MRTFA: variants seen among roughly 807,000 people sequenced by gnomAD.
MRTFA encodes myocardin related transcription factor A, also known as myocardin-related transcription factor A.
A neutral mutation model predicts 83.5 loss-of-function variants in MRTFA; 20 were observed. The ratio of observed to expected loss-of-function variants is 0.24; its 90% CI spans 0.17 to 0.35. The LOEUF is 0.35. Ranked by LOEUF, MRTFA falls within the 10% of genes least tolerant of loss-of-function variation. The pLI, the probability that MRTFA is intolerant of heterozygous loss-of-function variation, is 1.00. For missense variants in MRTFA, 1,200 were observed against 1,224.7 expected, an observed-to-expected ratio of 0.98 and a Z score of 0.30; for synonymous variants, 659 against 541.2, an observed-to-expected ratio of 1.22 and a Z score of -3.02.
chr22:40,538,858 G>T lies in MRTFA; in HGVS notation c.241+13248C>A, dbSNP rs144071218. On this transcript the variant is annotated intron_variant, in intron 3 of 14. Coordinates refer to ENST00000355630, the MANE Select transcript of MRTFA (RefSeq NM_020831.6). ...TAGCACTAAGGAAATGAGAGATAAT[G>T]ATCTTAATTTCCAATAGAACAAAAG... Among the ~76,000 whole-genome samples the T allele has an allele frequency of 3.4e-3, 510 of 152,044 alleles. 1 individual carries two copies. The highest frequency in any genetic ancestry group is 5.2e-3 in the Non-Finnish European group (352 of 68,006).
In MRTFA at chr22:40,578,569, C is replaced by T. The variant is rs531605404; in HGVS notation, c.-22+16105G>A. Reference sequence around the variant, plus strand: ...ATCACTTGAGGCCAGGAGTTCAAGACCAGCATGGGCAATGTAGTGAGACCC... The same window carrying T: ...ATCACTTGAGGCCAGGAGTTCAAGATCAGCATGGGCAATGTAGTGAGACCC... On this transcript the variant is annotated intron_variant, in intron 2 of 14. Coordinates refer to ENST00000355630, the MANE Select transcript of MRTFA (RefSeq NM_020831.6). Among the ~76,000 whole-genome samples, 3 of 152,186 alleles carry T rather than the reference C, an allele frequency of 2.0e-5. No homozygotes were observed. The South Asian group carries it at 6.2e-4, about 32-fold the overall frequency.
At chr22:40,535,897 CAAAT>C (rs2055163456) in intron 3 of MRTFA, among the ~76,000 whole-genome samples, 1 of 152,088 alleles carries the variant, frequency 6.6e-6, no homozygotes, top group Non-Finnish European at 1.5e-5. Context: ...ATAGGAATAA[CAAAT>C]AAACATAACA....
rs2052511760 is a variant in MRTFA at position 40,411,019 on chromosome 22, A to G, written c.*371T>C. ...GGAGATTCACCCCTTAACCTGTCTCAGCCCTGGGTCAGAAGAGAAGCCTCC... is the reference window on the plus strand; with the variant it reads ...GGAGATTCACCCCTTAACCTGTCTCGGCCCTGGGTCAGAAGAGAAGCCTCC... On this transcript the variant is annotated 3_prime_UTR_variant, in exon 15 of 15. Coordinates refer to ENST00000355630, the MANE Select transcript of MRTFA (RefSeq NM_020831.6). 8.0e-6 allele frequency: 2 copies of G among 250,356 alleles called. No individual in the cohort carries two copies. The highest frequency in any genetic ancestry group is 1.5e-5 in the Non-Finnish European group (2 of 130,422). 15.5% of individuals were successfully genotyped at this position (250,356 alleles called of 1,614,324 possible).
intron 3 of MRTFA, among the ~76,000 whole-genome samples, chr22:40,493,037 G>A (rs889785048): frequency 1.3e-5 from 2 of 152,146 alleles, no homozygotes; most frequent in African/African-American, 4.8e-5. Flanking sequence ...CAAAATTTGG[G>A]ATTCAAACCC....
chr22:40,617,498 C>T (rs1037474968), intron 1 of MRTFA, among the ~76,000 whole-genome samples: 20 of 151,522 alleles, frequency 1.3e-4, no homozygotes, highest in African/African-American at 4.1e-4. Flanking sequence ...AGGCCGAGGC[C>T]GGTGGATCAC....
At chr22:40,485,671 C>G (rs1183495211) in intron 3 of MRTFA, among the ~76,000 whole-genome samples, 1 of 152,072 alleles carries the variant, frequency 6.6e-6, no homozygotes, top group Non-Finnish European at 1.5e-5. Flanking sequence ...AAGGTTTAGT[C>G]AAACCTAAAA....
At chr22:40,546,399 AAAG>A in intron 3 of MRTFA, among the ~76,000 whole-genome samples, 1 of 152,246 alleles carries the variant, frequency 6.6e-6, no homozygotes, top group African/African-American at 2.4e-5. Flanking sequence ...TAGAGTTTAA[AAAG>A]CCGGAAAAAG....
intron 3 of MRTFA, among the ~76,000 whole-genome samples, chr22:40,544,235 G>T (rs1184560488): frequency 1.3e-5 from 2 of 152,102 alleles, no homozygotes; most frequent in African/African-American, 4.8e-5. Flanking sequence ...TTCTTTTTGT[G>T]TTTTGTTTGT....
intron 1 of MRTFA, among the ~76,000 whole-genome samples, chr22:40,629,068 T>C (rs1026457254): frequency 6.6e-6 from 1 of 151,968 alleles, no homozygotes; most frequent in South Asian, 2.1e-4. Context: ...GGCAGGAGGA[T>C]TGCTGTGGCC....
intron 1 of MRTFA, among the ~76,000 whole-genome samples, chr22:40,627,334 G>C (rs948361297): frequency 2.0e-5 from 3 of 152,090 alleles, no homozygotes; most frequent in African/African-American, 7.2e-5. Flanking sequence ...GGCTGGTCTT[G>C]AACTCCTGGG....
intron 2 of MRTFA, among the ~76,000 whole-genome samples, chr22:40,581,040 C>A (rs568752554): frequency 6.6e-6 from 1 of 151,748 alleles, no homozygotes; most frequent in South Asian, 2.1e-4. Context: ...TGGTCTTGAA[C>A]TCCTGGCCTC....
chr22:40,447,881 G>A (rs1263443408), intron 4 of MRTFA, among the ~76,000 whole-genome samples: 2 of 152,144 alleles, frequency 1.3e-5, no homozygotes, highest in Non-Finnish European at 2.9e-5. Flanking sequence ...ATCAAGAGGT[G>A]GCAGAAGGTA....
At chr22:40,617,184 A>AGGAGGGAAGGAGGGAG (rs1419154490) in intron 1 of MRTFA, among the ~76,000 whole-genome samples, 1 of 55,532 alleles carries the variant, frequency 1.8e-5, no homozygotes, top group East Asian at 7.9e-4. Flanking sequence ...GAAGGAGGGA[A>AGGAGGGAAGGAGGGAG]GGAGGGAGGG....
intron 1 of MRTFA, among the ~76,000 whole-genome samples, chr22:40,629,997 GT>G (rs1276509327): frequency 6.6e-6 from 1 of 151,840 alleles, no homozygotes; most frequent in Non-Finnish European, 1.5e-5. Flanking sequence ...GAGGGACAAG[GT>G]TAATCTGGAG....
intron 2 of MRTFA, among the ~76,000 whole-genome samples, chr22:40,584,222 A>G (rs888285518): frequency 1.3e-5 from 2 of 152,220 alleles, no homozygotes; most frequent in African/African-American, 2.4e-5. Context: ...AAAGTGTCCA[A>G]TGGTTTCCGA....
At chr22:40,488,706 G>A (rs1328295513) in intron 3 of MRTFA, among the ~76,000 whole-genome samples, 3 of 151,958 alleles carry the variant, frequency 2.0e-5, no homozygotes, top group Admixed American at 1.3e-4. Flanking sequence ...GGTGGCGGGC[G>A]CCTGTAATCC....
intron 3 of MRTFA, among the ~76,000 whole-genome samples, chr22:40,511,619 T>C (rs533207535): frequency 3.3e-5 from 5 of 152,294 alleles, no homozygotes; most frequent in Non-Finnish European, 5.9e-5. Flanking sequence ...TTCACAAATA[T>C]ATAACCCAAG....
intron 3 of MRTFA, among the ~76,000 whole-genome samples, chr22:40,500,600 C>G (rs182367614): frequency 1.7e-4 from 26 of 151,690 alleles, no homozygotes; most frequent in African/African-American, 4.8e-4. Context: ...TGACTCTTAA[C>G]GAGCATGCTG....
intron 2 of MRTFA, among the ~76,000 whole-genome samples, chr22:40,588,428 A>C (rs1039142924): frequency 6.6e-6 from 1 of 152,184 alleles, no homozygotes; most frequent in African/African-American, 2.4e-5. Flanking sequence ...TGGGTGAACA[A>C]TTCTGAGTTT....
Sources: allele counts gnomAD v4.1 joint callset (sites outside exome capture counted in the v4.1 genomes callset), GRCh38; gene constraint gnomAD v4.1.1; transcripts MANE v1.5; gene names NCBI Gene and HGNC (gene_info 2026-07-23, HGNC 2026-07-21).